Variants in CCM2 observed in about 807,000 individuals in gnomAD.
CCM2 encodes the protein CCM2 scaffold protein, also known as cerebral cavernous malformations 2 protein.
Under a neutral mutation model 44.9 loss-of-function variants are expected in CCM2, and 25 were observed. The observed-to-expected ratio is 0.56, with a 90% CI of 0.41 to 0.78. CCM2 has a LOEUF of 0.78. CCM2 is among the 30% of genes least tolerant of loss of function. The pLI, the probability that CCM2 is intolerant of heterozygous loss-of-function variation, is 0.00. For missense variants in CCM2, 481 were observed against 580.6 expected, an observed-to-expected ratio of 0.83 and a Z score of 1.76; for synonymous variants, 219 against 241.1, an observed-to-expected ratio of 0.91 and a Z score of 0.85.
In CCM2 at chr7:45,073,436, C is replaced by A. The variant is rs754219621; in HGVS notation, c.804-24C>A. 22 of 1,584,496 alleles carry A rather than the reference C, an allele frequency of 1.4e-5. No individual in the cohort carries two copies. In the South Asian group the frequency reaches 2.3e-4, roughly 17 times the overall value. On this transcript the variant is annotated intron_variant, in intron 7 of 9. Transcript: ENST00000258781. ...GATGGAGGGTCGGGGAAGCCACCCGCTCACATACCACATTCTTTCGCAGCT... is the reference window on the plus strand; with the variant it reads ...GATGGAGGGTCGGGGAAGCCACCCGATCACATACCACATTCTTTCGCAGCT...
intron 4 of CCM2, among the ~76,000 whole-genome samples, chr7:45,065,798 A>G (rs1480170742): frequency 1.3e-5 from 2 of 152,144 alleles, no homozygotes; most frequent in South Asian, 2.1e-4. Flanking sequence ...ACCTACACAC[A>G]TGTACATTAC....
At chr7:45,033,436 T>C (rs1374346424) in intron 1 of CCM2, among the ~76,000 whole-genome samples, 2 of 152,236 alleles carry the variant, frequency 1.3e-5, no homozygotes, top group Non-Finnish European at 2.9e-5. Flanking sequence ...GTTGGTTTCC[T>C]GTTGCTCCCA....
chr7:45,019,377 CT>C (rs139592804), intron 1 of CCM2, among the ~76,000 whole-genome samples: 5,226 of 152,186 alleles, frequency 0.034, 297 homozygotes, highest in African/African-American at 0.12. Flanking sequence ...GGGTTTTATA[CT>C]TTGGTTTGGT....
At chr7:45,039,581 C>A (rs1158376015) in intron 2 of CCM2, among the ~76,000 whole-genome samples, 1 of 152,042 alleles carries the variant, frequency 6.6e-6, no homozygotes, top group Non-Finnish European at 1.5e-5. Context: ...GACAAATACA[C>A]AAACATGAAT....
At chr7:45,035,783 T>C (rs1451062750) in intron 1 of CCM2, among the ~76,000 whole-genome samples, 5 of 152,006 alleles carry the variant, frequency 3.3e-5, no homozygotes, top group Admixed American at 3.3e-4. Flanking sequence ...TTATAGTCTG[T>C]GGTAGTGATG....
At chr7:45,038,225 C>T (rs1281064893) in intron 1 of CCM2, 28 bp from the exon 2 acceptor site, 3 of 1,612,814 alleles carry the variant, frequency 1.9e-6, no homozygotes, top group Admixed American at 3.3e-5. Flanking sequence ...AAATAATGAA[C>T]TCCAATCATT....
At position 45,061,041 on chromosome 7, in the gene CCM2, T is replaced by C. The variant is rs1394202099; in HGVS notation, c.205-2877T>C. 2.0e-5 allele frequency among the ~76,000 whole-genome samples: 3 copies of C among 152,224 alleles called. No homozygotes were observed. The South Asian group carries it at 6.2e-4, about 32-fold the overall frequency. On this transcript the variant is annotated intron_variant, in intron 2 of 9. Transcript: ENST00000258781. ...TTACTGTTTGCTGCCCTTGTGATGC[T>C]GGGGGATAAAAATCTCCTGTGTATC...
intron 6 of CCM2, 30 bp downstream of exon 6, chr7:45,069,991 G>A (rs376067271): frequency 6.2e-7 from 1 of 1,611,828 alleles, no homozygotes; most frequent in Admixed American, 1.7e-5. Context: ...GCAGCGGGTG[G>A]GAGCAGGGAC....
chr7:45,022,813 T>A (rs1208748131), intron 1 of CCM2, among the ~76,000 whole-genome samples: 1 of 152,010 alleles, frequency 6.6e-6, no homozygotes, highest in African/African-American at 2.4e-5. Context: ...CGATCTCGGC[T>A]CACTGCAACC....
intron 1 of CCM2, among the ~76,000 whole-genome samples, chr7:45,003,626 G>A (rs1272166343): frequency 6.6e-6 from 1 of 151,892 alleles, no homozygotes; most frequent in Non-Finnish European, 1.5e-5. Flanking sequence ...CAGTTAGGAG[G>A]CTGAGGCAGG....
At chr7:45,010,686 C>T (rs2128713829) in intron 1 of CCM2, among the ~76,000 whole-genome samples, 1 of 152,166 alleles carries the variant, frequency 6.6e-6, no homozygotes, top group East Asian at 1.9e-4. Context: ...TAACCTCTGC[C>T]TCCTGGGTTC....
At chr7:45,067,379 T>C (rs1251018472) in intron 4 of CCM2, among the ~76,000 whole-genome samples, 1 of 151,830 alleles carries the variant, frequency 6.6e-6, no homozygotes, top group Non-Finnish European at 1.5e-5. Flanking sequence ...GCCAGGCTGG[T>C]CTTGAACTCC....
At chr7:45,030,378 C>T (rs918813581) in intron 1 of CCM2, among the ~76,000 whole-genome samples, 1 of 152,114 alleles carries the variant, frequency 6.6e-6, no homozygotes, top group African/African-American at 2.4e-5. Context: ...GTTAAAGAAC[C>T]CATGATGGTT....
At chr7:45,066,478 G>C (rs1180599416) in intron 4 of CCM2, among the ~76,000 whole-genome samples, 4 of 152,190 alleles carry the variant, frequency 2.6e-5, no homozygotes, top group African/African-American at 9.7e-5. Context: ...GGCATCCAGA[G>C]TTCTCAGCAT....
In CCM2 at chr7:45,007,245, G is replaced by A. The variant is rs182325480; in HGVS notation, c.30+6882G>A. On this transcript the variant is annotated intron_variant, in intron 1 of 9. Transcript: ENST00000258781. ...TTTGGGAGCTGGCACAGTCAGGGAT[G>A]TCATTCATTTCATCTGGGACAGGCT... Among the ~76,000 whole-genome samples, 10 of 152,322 alleles carry A rather than the reference G, an allele frequency of 6.6e-5. No individual in the cohort carries two copies. In the East Asian group the frequency reaches 1.7e-3, roughly 26 times the overall value.
At chr7:45,049,002 C>T (rs1797880290) in intron 2 of CCM2, among the ~76,000 whole-genome samples, 1 of 152,156 alleles carries the variant, frequency 6.6e-6, no homozygotes, top group African/African-American at 2.4e-5. Context: ...GTCACCCAGG[C>T]TGGAATGTAG....
chr7:45,018,380 T>TA (rs949358739), intron 1 of CCM2, among the ~76,000 whole-genome samples: 1 of 152,132 alleles, frequency 6.6e-6, no homozygotes, highest in African/African-American at 2.4e-5. Context: ...TATTTTGAGA[T>TA]AGAGTCTCGC....
chr7:45,028,617 A>G (rs1336535503), intron 1 of CCM2, among the ~76,000 whole-genome samples: 1 of 152,012 alleles, frequency 6.6e-6, no homozygotes, highest in Non-Finnish European at 1.5e-5. Context: ...AGATTGCGCC[A>G]CTGCACTCCA....
At chr7:45,006,072 T>A (rs1443569345) in intron 1 of CCM2, among the ~76,000 whole-genome samples, 3 of 152,128 alleles carry the variant, frequency 2.0e-5, no homozygotes, top group Non-Finnish European at 2.9e-5. Context: ...GAGCAGGAAG[T>A]GGAGCCCGGG....
Sources: gnomAD v4.1 joint callset for allele counts (sites outside exome capture counted in the v4.1 genomes callset) on GRCh38, gnomAD v4.1.1 for gene constraint, MANE v1.5 for transcripts, NCBI Gene and HGNC (gene_info 2026-07-23, HGNC 2026-07-21) for gene names.